RALYL: variants seen among roughly 807,000 people sequenced by gnomAD.
RALYL encodes the protein RALY RNA binding protein like, also known as RNA-binding Raly-like protein.
In RALYL, 29 loss-of-function variants were observed where a neutral mutation model predicts 35.1. The observed-to-expected ratio is 0.83, with a 90% CI of 0.61 to 1.13. RALYL has a LOEUF of 1.13. Ranked by LOEUF, RALYL falls within the 50% of genes most tolerant of loss-of-function variation. The pLI, the probability that RALYL is intolerant of heterozygous loss-of-function variation, is 0.00. For missense variants in RALYL, 359 were observed against 360.4 expected, an observed-to-expected ratio of 1.00 and a Z score of 0.03; for synonymous variants, 120 against 127.6, an observed-to-expected ratio of 0.94 and a Z score of 0.40.
intron 1 of RALYL, among the ~76,000 whole-genome samples, chr8:84,411,233 A>C (rs1433731028): frequency 1.3e-5 from 2 of 151,954 alleles, no homozygotes; most frequent in African/African-American, 4.8e-5. Context: ...TTTCATGCCT[A>C]AACTACAGAA....
At chr8:84,354,215 C>T (rs898755634) in intron 1 of RALYL, among the ~76,000 whole-genome samples, 1 of 150,208 alleles carries the variant, frequency 6.7e-6, no homozygotes, top group African/African-American at 2.5e-5. Context: ...AAACAGTTTG[C>T]TGGAAGTTGC....
intron 1 of RALYL, among the ~76,000 whole-genome samples, chr8:84,433,660 T>C (rs74716481): frequency 3.3e-5 from 5 of 152,138 alleles, no homozygotes; most frequent in Admixed American, 6.6e-5. Context: ...GCTGCCACCA[T>C]GTAAGAAGTG....
intron 8 of RALYL, among the ~76,000 whole-genome samples, chr8:84,890,647 C>T (rs1427062): frequency 0.42 from 63,310 of 151,806 alleles, 14,736 homozygotes; most frequent in East Asian, 0.72. Context: ...GTAACATGTT[C>T]CTAAATTATA....
intron 2 of RALYL, among the ~76,000 whole-genome samples, chr8:84,675,475 T>C (rs1419835283): frequency 6.6e-6 from 1 of 152,148 alleles, no homozygotes; most frequent in Non-Finnish European, 1.5e-5. Flanking sequence ...GTTTAAAATT[T>C]ACTTCAAAAA....
rs1013207391 is a variant in RALYL, at chr8:84,730,852, C to T, written c.257-43727C>T. Reference sequence around the variant, plus strand: ...AGGAATTAAAAAACAAAGGCTGATACTTGATGATGGGAATGAGAATGTAAA... The same window carrying T: ...AGGAATTAAAAAACAAAGGCTGATATTTGATGATGGGAATGAGAATGTAAA... On this transcript the variant is annotated intron_variant, in intron 2 of 8. Transcript: ENST00000521268. 2.0e-5 allele frequency among the ~76,000 whole-genome samples: 3 copies of T among 151,700 alleles called. No homozygotes were observed. In the East Asian group the frequency reaches 5.8e-4, roughly 29 times the overall value.
chr8:84,390,453 C>G (rs1375407564), intron 1 of RALYL, among the ~76,000 whole-genome samples: 3 of 152,090 alleles, frequency 2.0e-5, no homozygotes, highest in African/African-American at 7.2e-5. Flanking sequence ...TGGAATTCGG[C>G]TGTGAATCCA....
chr8:84,286,774 T>C (rs767083745), intron 1 of RALYL, among the ~76,000 whole-genome samples: 23 of 152,138 alleles, frequency 1.5e-4, no homozygotes, highest in Non-Finnish European at 3.1e-4. Flanking sequence ...TTCTAAAACG[T>C]TGAGATTGAC....
chr8:84,841,711 G>T (rs932586727), intron 4 of RALYL, among the ~76,000 whole-genome samples: 2 of 152,102 alleles, frequency 1.3e-5, no homozygotes, highest in Admixed American at 1.3e-4. Context: ...TCACCACATA[G>T]TTGGAAGTAA....
rs117701335 is a variant in RALYL at position 84,335,276 on chromosome 8, G to C, written c.-24+150852G>C. ...TATTCTCAGCTTCTGAATGTGATGG[G>C]TGCATATCCATCTTCTCTCTGCTGA... On this transcript the variant is annotated intron_variant, in intron 1 of 8. Transcript: ENST00000521268. Among the ~76,000 whole-genome samples the C allele has an allele frequency of 8.4e-3, 1,284 of 152,200 alleles. 9 individuals carry two copies. The highest frequency in any genetic ancestry group is 0.017 in the Admixed American group (261 of 15,270).
At chr8:84,283,522 C>T (rs1047880493) in intron 1 of RALYL, among the ~76,000 whole-genome samples, 3 of 152,004 alleles carry the variant, frequency 2.0e-5, no homozygotes, top group South Asian at 2.1e-4. Context: ...ATCTGGGGAC[C>T]GTCATGTAAT....
At chr8:84,206,910 A>G (rs1818185995) in intron 1 of RALYL, among the ~76,000 whole-genome samples, 1 of 152,220 alleles carries the variant, frequency 6.6e-6, no homozygotes, top group Non-Finnish European at 1.5e-5. Flanking sequence ...GGCCAAAGGT[A>G]TATGAAAAAT....
At chr8:84,813,545 AT>A (rs1436545189) in intron 4 of RALYL, among the ~76,000 whole-genome samples, 1 of 152,202 alleles carries the variant, frequency 6.6e-6, no homozygotes, top group Non-Finnish European at 1.5e-5. Flanking sequence ...GTAACATTGA[AT>A]TTGTCCACAG....
chr8:84,915,685 A>G (rs1432828323), intron 8 of RALYL, among the ~76,000 whole-genome samples: 1 of 152,080 alleles, frequency 6.6e-6, no homozygotes, highest in Non-Finnish European at 1.5e-5. Flanking sequence ...GTACGATACT[A>G]ATCACCAGCT....
At chr8:84,425,292 G>A (rs1002577009) in intron 1 of RALYL, among the ~76,000 whole-genome samples, 16 of 152,162 alleles carry the variant, frequency 1.1e-4, no homozygotes, top group African/African-American at 2.6e-4. Flanking sequence ...CGCAATATTC[G>A]GGTGGGAGTG....
At chr8:84,873,729 C>G (rs909369850) in intron 7 of RALYL, among the ~76,000 whole-genome samples, 1 of 152,054 alleles carries the variant, frequency 6.6e-6, no homozygotes, top group Admixed American at 6.6e-5. Flanking sequence ...CAGAATAATG[C>G]TATCAGGCTA....
At position 84,887,633 on chromosome 8, in the gene RALYL, C is replaced by G; in HGVS notation, c.715C>G (p.Leu239Val). Residue 239 changes from leucine to valine, a missense_variant, in exon 8 of 9, where the codon CTA becomes GTA. Physicochemically the swap from Leu to Val is conservative, Grantham distance 32. Coordinates refer to ENST00000521268, the MANE Select transcript of RALYL (RefSeq NM_173848.7). ...TCAGAAGAAGCAATTGGAAGAGAGT[C>G]TAGTGCTGATCCAAGAGGAATGTGT... ...EAQKKQLEES[L>V]VLIQEECVSE... 3.1e-6 allele frequency: 5 copies of G among 1,610,948 alleles called. No homozygotes were observed. The highest frequency in any genetic ancestry group is 4.2e-6 in the Non-Finnish European group (5 of 1,178,312).
Position 84,895,354 on chromosome 8 carries a change from GACTTAGA to G in RALYL, c.858+7580_858+7586del, listed in dbSNP as rs1182614739. On this transcript the variant is annotated intron_variant, in intron 8 of 8. Transcript: ENST00000521268. Reference sequence around the variant, plus strand: ...TGCACTATGACAAAAAAAAAAAAAAGACTTAGAAAGTCAGAAAGACTTTGTTAAGTCT... The same window carrying G: ...TGCACTATGACAAAAAAAAAAAAAAGAAGTCAGAAAGACTTTGTTAAGTCT... Among the ~76,000 whole-genome samples the G allele has an allele frequency of 2.0e-5, 3 of 149,512 alleles. No homozygotes were observed. The East Asian group carries it at 5.9e-4, about 29-fold the overall frequency.
intron 1 of RALYL, among the ~76,000 whole-genome samples, chr8:84,436,156 T>C (rs1361653245): frequency 6.6e-6 from 1 of 152,082 alleles, no homozygotes; most frequent in Non-Finnish European, 1.5e-5. Flanking sequence ...ATCTAGGCAA[T>C]TTGAAGAAGA....
At chr8:84,409,169 A>G (rs1292435718) in intron 1 of RALYL, among the ~76,000 whole-genome samples, 4 of 152,104 alleles carry the variant, frequency 2.6e-5, no homozygotes, top group African/African-American at 7.2e-5. Context: ...AAATATTTTA[A>G]CGTTTGAAAG....
Sources: gnomAD v4.1 joint callset for allele counts (sites outside exome capture counted in the v4.1 genomes callset) on GRCh38, gnomAD v4.1.1 for gene constraint, MANE v1.5 for transcripts, NCBI Gene and HGNC (gene_info 2026-07-23, HGNC 2026-07-21) for gene names.